INPP4B: variants seen among roughly 807,000 people sequenced by gnomAD.
INPP4B encodes the protein inositol polyphosphate 4-phosphatase type II.
INPP4B carries 55 observed loss-of-function variants against 122.5 expected under a neutral mutation model. The observed-to-expected ratio is 0.45, with a 90% CI of 0.36 to 0.56. The LOEUF (loss-of-function observed/expected upper bound fraction) is 0.56, where lower values mean the gene tolerates loss of function less well. Ranked by LOEUF, INPP4B falls within the 20% of genes least tolerant of loss-of-function variation. The pLI is 0.00. For synonymous variants in INPP4B, 403 were observed against 388.7 expected (o/e 1.04, Z -0.43); for missense variants, 1,000 against 1,097.7 (o/e 0.91, Z 1.26).
intron 2 of INPP4B, among the ~76,000 whole-genome samples, chr4:142,678,283 C>T (rs894059591): frequency 7.9e-5 from 12 of 151,848 alleles, no homozygotes; most frequent in Non-Finnish European, 1.6e-4. Context: ...AAGCCTGGTT[C>T]CTGCCAGTTA....
At chr4:142,783,351 A>G (rs899015765) in intron 1 of INPP4B, among the ~76,000 whole-genome samples, 3 of 152,170 alleles carry the variant, frequency 2.0e-5, no homozygotes, top group East Asian at 3.9e-4. Flanking sequence ...AAAAGTGGGC[A>G]AAGGACATGA....
chr4:142,258,977 G>A (rs1163661772), intron 11 of INPP4B, among the ~76,000 whole-genome samples: 1 of 151,932 alleles, frequency 6.6e-6, no homozygotes, highest in East Asian at 1.9e-4. Flanking sequence ...GTGATAGACT[G>A]GATTAAGAAA....
intron 11 of INPP4B, among the ~76,000 whole-genome samples, chr4:142,258,739 C>G (rs1460068218): frequency 6.6e-6 from 1 of 152,156 alleles, no homozygotes; most frequent in Non-Finnish European, 1.5e-5. Flanking sequence ...AATAGGAACA[C>G]TTTTACACTG....
chr4:142,446,014 T>C (rs971236836), intron 3 of INPP4B, among the ~76,000 whole-genome samples: 1 of 152,034 alleles, frequency 6.6e-6, no homozygotes, highest in Non-Finnish European at 1.5e-5. Context: ...TATATCAAAA[T>C]ATGCTTGGAG....
chr4:142,179,118 TTAAA>T (rs1339191158), intron 15 of INPP4B, among the ~76,000 whole-genome samples: 1 of 152,116 alleles, frequency 6.6e-6, no homozygotes, highest in African/African-American at 2.4e-5. Flanking sequence ...ACTTACATAA[TTAAA>T]TGAGTTATAT....
chr4:142,451,828 A>C (rs1334157627), intron 3 of INPP4B, among the ~76,000 whole-genome samples: 2 of 152,160 alleles, frequency 1.3e-5, no homozygotes, highest in African/African-American at 4.8e-5. Context: ...GTTCATTGTA[A>C]ATCAGAGATC....
At chr4:142,260,408 G>A in intron 11 of INPP4B, 84 bp downstream of exon 11, 2 of 845,398 alleles carry the variant, frequency 2.4e-6, no homozygotes, top group South Asian at 2.9e-5. Context: ...AAACAACTGT[G>A]AGAATGCTGG....
chr4:142,427,668 C>T (rs1467689498), intron 5 of INPP4B, among the ~76,000 whole-genome samples: 3 of 152,040 alleles, frequency 2.0e-5, no homozygotes, highest in Non-Finnish European at 2.9e-5. Context: ...ATTGCTTCTG[C>T]TGCTTCAGAT....
At chr4:142,210,856 G>T (rs1029111665) in intron 12 of INPP4B, among the ~76,000 whole-genome samples, 5 of 152,142 alleles carry the variant, frequency 3.3e-5, no homozygotes, top group Non-Finnish European at 7.4e-5. Flanking sequence ...TGAAGCCCCT[G>T]ACCACATTCT....
intron 2 of INPP4B, among the ~76,000 whole-genome samples, chr4:142,639,300 CT>C (rs1308824063): frequency 6.6e-6 from 1 of 152,134 alleles, no homozygotes; most frequent in African/African-American, 2.4e-5. Flanking sequence ...AAGTACTCTG[CT>C]TCTACCATCT....
At chr4:142,751,020 T>G (rs565453846) in intron 1 of INPP4B, among the ~76,000 whole-genome samples, 1 of 152,054 alleles carries the variant, frequency 6.6e-6, no homozygotes, top group South Asian at 2.1e-4. Flanking sequence ...TAAATACAGT[T>G]ATTGTAGAAA....
chr4:142,542,677 T>C (rs10028095), intron 2 of INPP4B, among the ~76,000 whole-genome samples: 5,367 of 152,278 alleles, frequency 0.035, 323 homozygotes, highest in African/African-American at 0.12. Flanking sequence ...TCCAGAGCCA[T>C]TGCTCTTTGA....
chr4:142,673,113 C>A (rs1190406306), intron 2 of INPP4B, among the ~76,000 whole-genome samples: 2 of 152,066 alleles, frequency 1.3e-5, no homozygotes, highest in Non-Finnish European at 2.9e-5. Context: ...TTACCTAGAC[C>A]ACACTCACTG....
Position 142,413,063 on chromosome 4 carries a change from G to A in INPP4B, c.137-7739C>T, listed in dbSNP as rs150866918. 2.4e-3 allele frequency among the ~76,000 whole-genome samples: 369 copies of A among 152,206 alleles called. 2 individuals are homozygous for A. The highest frequency in any genetic ancestry group is 8.3e-3 in the African/African-American group (345 of 41,552). On this transcript the variant is annotated intron_variant, in intron 5 of 25. Coordinates refer to ENST00000262992, the MANE Select transcript of INPP4B (RefSeq NM_001101669.3). ...TTGTGTGGGAGATTTTAATTGGCAC[G>A]CACTTCCTAAAGGACCATGCATCGC...
intron 1 of INPP4B, chr4:142,768,080 G>T (rs1772429445): frequency 6.6e-6 from 1 of 152,150 alleles, no homozygotes; most frequent in Admixed American, 6.6e-5. Context: ...CATTGGCTGT[G>T]TTGTCTACCT....
At chr4:142,636,477 A>G (rs1230042471) in intron 2 of INPP4B, among the ~76,000 whole-genome samples, 1 of 152,160 alleles carries the variant, frequency 6.6e-6, no homozygotes, top group Non-Finnish European at 1.5e-5. Flanking sequence ...ATTGAGTTGC[A>G]AATTTTTCCC....
chr4:142,619,345 A>G (rs561066535), intron 2 of INPP4B, among the ~76,000 whole-genome samples: 1 of 152,208 alleles, frequency 6.6e-6, no homozygotes, highest in Non-Finnish European at 1.5e-5. Flanking sequence ...CTACATGTCT[A>G]CTGACAGATG....
intron 7 of INPP4B, among the ~76,000 whole-genome samples, chr4:142,367,186 ATATGTGTGTGTGTGTGTGTG>A (rs1339765828): frequency 9.4e-5 from 10 of 106,418 alleles, no homozygotes; most frequent in African/African-American, 3.3e-4. Flanking sequence ...TATACATGTA[ATATGTGTGTGTGTGTGTGTG>A]TGTGTGTGTG....
intron 5 of INPP4B, among the ~76,000 whole-genome samples, chr4:142,426,181 T>C (rs1012278991): frequency 6.6e-6 from 1 of 151,998 alleles, no homozygotes; most frequent in African/African-American, 2.4e-5. Flanking sequence ...CTAGACATAA[T>C]AAGTGGAGGC....
Sources: allele counts gnomAD v4.1 joint callset (sites outside exome capture counted in the v4.1 genomes callset), GRCh38; gene constraint gnomAD v4.1.1; transcripts MANE v1.5; gene names NCBI Gene and HGNC (gene_info 2026-07-23, HGNC 2026-07-21).